Variants in DHDDS observed in about 807,000 individuals in gnomAD.
DHDDS encodes dehydrodolichyl diphosphate synthase subunit.
In DHDDS, 16 loss-of-function variants were observed where a neutral mutation model predicts 46.2. The ratio of observed to expected loss-of-function variants is 0.35; its 90% CI spans 0.23 to 0.53. The LOEUF is 0.53. DHDDS is among the 20% of genes least tolerant of loss of function. The pLI is 0.94. For synonymous variants in DHDDS, 151 were observed against 163.1 expected (o/e 0.93, Z 0.56); for missense variants, 340 against 423.7 (o/e 0.80, Z 1.73).
At chr1:26,453,685 C>T (rs2075342730) in intron 6 of DHDDS, among the ~76,000 whole-genome samples, 1 of 152,120 alleles carries the variant, frequency 6.6e-6, no homozygotes, top group Admixed American at 6.6e-5. Flanking sequence ...GCCCAGGAGG[C>T]TGAGGCTGCA....
At chr1:26,443,070 G>A in intron 4 of DHDDS, 197 bp downstream of exon 4, 1 of 857,454 alleles carries the variant, frequency 1.2e-6, no homozygotes, top group Non-Finnish European at 1.7e-6. Context: ...TAAAAAAGGG[G>A]GCATTTATTT....
intron 8 of DHDDS, among the ~76,000 whole-genome samples, chr1:26,461,971 T>C (rs926711779): frequency 1.3e-5 from 2 of 152,160 alleles, no homozygotes; most frequent in African/African-American, 4.8e-5. Context: ...GAAAAATTTC[T>C]AAAATGTATC....
chr1:26,446,500 G>A (rs757838835), intron 5 of DHDDS, 68 bp downstream of exon 5: 19 of 1,467,090 alleles, frequency 1.3e-5, no homozygotes, highest in Admixed American at 3.4e-5. Flanking sequence ...TTAGGGAGAC[G>A]TCCTGGGCTT....
chr1:26,459,289 C>A (rs1208169645), intron 7 of DHDDS, among the ~76,000 whole-genome samples: 3 of 151,258 alleles, frequency 2.0e-5, no homozygotes, highest in Non-Finnish European at 4.4e-5. Context: ...GCATAAAAAG[C>A]CAAACAGGCT....
At chr1:26,453,127 CTT>C (rs1195375291) in intron 6 of DHDDS, among the ~76,000 whole-genome samples, 1 of 151,966 alleles carries the variant, frequency 6.6e-6, no homozygotes, top group Non-Finnish European at 1.5e-5. Flanking sequence ...CACACACTCA[CTT>C]TTGACATAAA....
chr1:26,464,994 C>G (rs2075467606), intron 8 of DHDDS, among the ~76,000 whole-genome samples: 1 of 152,150 alleles, frequency 6.6e-6, no homozygotes, highest in South Asian at 2.1e-4. Flanking sequence ...GGTCACCTAG[C>G]CAGTCTTAAA....
chr1:26,437,556 CA>C (rs1263631324), intron 2 of DHDDS, among the ~76,000 whole-genome samples: 3 of 151,876 alleles, frequency 2.0e-5, no homozygotes, highest in Non-Finnish European at 4.4e-5. Flanking sequence ...CTGCAACCTC[CA>C]CCTCCTGGGT....
chr1:26,455,379 G>A (rs2124476392), intron 6 of DHDDS, among the ~76,000 whole-genome samples: 1 of 152,216 alleles, frequency 6.6e-6, no homozygotes, highest in East Asian at 1.9e-4. Flanking sequence ...AATTATAAGT[G>A]AATACTGTTT....
intron 8 of DHDDS, among the ~76,000 whole-genome samples, chr1:26,466,550 A>G (rs2075489195): frequency 6.6e-6 from 1 of 152,058 alleles, no homozygotes. Flanking sequence ...CACCCTCCCA[A>G]CTCTGCTATC....
intron 4 of DHDDS, among the ~76,000 whole-genome samples, chr1:26,444,675 G>A (rs1008356398): frequency 2.0e-5 from 3 of 152,178 alleles, no homozygotes; most frequent in Non-Finnish European, 4.4e-5. Flanking sequence ...TGATGAGCCT[G>A]GGGAGTCTGA....
intron 6 of DHDDS, among the ~76,000 whole-genome samples, chr1:26,451,491 T>C (rs907258278): frequency 6.6e-6 from 1 of 151,902 alleles, no homozygotes; most frequent in African/African-American, 2.4e-5. Flanking sequence ...AGTCTTGCTC[T>C]GTTGCCCAGG....
At chr1:26,463,992 CTT>C (rs60149042) in intron 8 of DHDDS, among the ~76,000 whole-genome samples, 6 of 93,758 alleles carry the variant, frequency 6.4e-5, no homozygotes, top group African/African-American at 2.2e-4. Context: ...TATTTGCAAA[CTT>C]TTTTTTTTTT....
chr1:26,448,845 C>T (rs2075293584), intron 6 of DHDDS, among the ~76,000 whole-genome samples: 1 of 152,086 alleles, frequency 6.6e-6, no homozygotes, highest in African/African-American at 2.4e-5. Flanking sequence ...GGGTTCTTAT[C>T]CTTTACCTCT....
At chr1:26,449,680 T>G (rs1570347016) in intron 6 of DHDDS, among the ~76,000 whole-genome samples, 1 of 152,022 alleles carries the variant, frequency 6.6e-6, no homozygotes, top group East Asian at 1.9e-4. Context: ...TGCCTCAGCC[T>G]CCTGAGTAGC....
intron 6 of DHDDS, chr1:26,455,147 G>A: frequency 1.3e-6 from 1 of 775,016 alleles, no homozygotes. Flanking sequence ...TGATTTGCAT[G>A]ATATCATGAG....
At chr1:26,446,559 G>T in intron 5 of DHDDS, 127 bp downstream of exon 5, 1 of 829,522 alleles carries the variant, frequency 1.2e-6, no homozygotes, top group South Asian at 1.4e-5. Context: ...AGGTTGAGCA[G>T]CTTAGAGACT....
intron 3 of DHDDS, among the ~76,000 whole-genome samples, chr1:26,439,186 C>G (rs922624510): frequency 4.6e-5 from 7 of 152,172 alleles, no homozygotes; most frequent in Non-Finnish European, 5.9e-5. Context: ...CCCCTTCAGC[C>G]TCCCAAAGTG....
intron 6 of DHDDS, among the ~76,000 whole-genome samples, chr1:26,452,126 G>A (rs549947205): frequency 1.3e-5 from 2 of 152,156 alleles, no homozygotes; most frequent in African/African-American, 2.4e-5. Flanking sequence ...GCTCACTGCA[G>A]CCTAGACCTC....
intron 5 of DHDDS, 121 bp downstream of exon 5, chr1:26,446,553 T>C: frequency 1.1e-6 from 1 of 888,592 alleles, no homozygotes; most frequent in Non-Finnish European, 1.9e-6. Context: ...GAGAGTAGGT[T>C]GAGCAGCTTA....
Sources: gnomAD v4.1 joint callset for allele counts (sites outside exome capture counted in the v4.1 genomes callset) on GRCh38, gnomAD v4.1.1 for gene constraint, MANE v1.5 for transcripts, NCBI Gene and HGNC (gene_info 2026-07-23, HGNC 2026-07-21) for gene names.